Variants in CADM2 observed in about 807,000 individuals in gnomAD.
The protein encoded by CADM2 is immunoglobulin superfamily member 4D.
In CADM2, 12 loss-of-function variants were observed where a neutral mutation model predicts 49.8. The ratio of observed to expected loss-of-function variants is 0.24; its 90% CI spans 0.15 to 0.39. The LOEUF (loss-of-function observed/expected upper bound fraction) is 0.39, where lower values mean the gene tolerates loss of function less well. Among genes scored for constraint, CADM2 ranks in the 10% least tolerant of loss-of-function variants. The pLI is 1.00. For missense variants in CADM2, 378 were observed against 492.3 expected, an observed-to-expected ratio of 0.77 and a Z score of 2.20; for synonymous variants, 214 against 175.4, an observed-to-expected ratio of 1.22 and a Z score of -1.74.
At chr3:85,641,069 G>A (rs113482667) in intron 1 of CADM2, among the ~76,000 whole-genome samples, 2,807 of 152,176 alleles carry the variant, frequency 0.018, 87 homozygotes, top group African/African-American at 0.055. Context: ...GTAACATAGA[G>A]CATGTTAAAA....
intron 7 of CADM2, among the ~76,000 whole-genome samples, chr3:85,939,044 A>G (rs1483811699): frequency 6.6e-6 from 1 of 152,052 alleles, no homozygotes; most frequent in Non-Finnish European, 1.5e-5. Flanking sequence ...TGTGTAAATC[A>G]CAACATCATG....
chr3:85,135,061 T>C (rs2039373443), intron 1 of CADM2, among the ~76,000 whole-genome samples: 1 of 152,002 alleles, frequency 6.6e-6, no homozygotes. Context: ...TGATAAAAAT[T>C]ATTTTTATTC....
rs192105170 is a variant in CADM2 at position 85,792,886 on chromosome 3, C to G, written c.89-9161C>G. Among the ~76,000 whole-genome samples the G allele has an allele frequency of 3.9e-5, 6 of 152,228 alleles. No individual in the cohort carries two copies. In the East Asian group the frequency reaches 1.2e-3, roughly 29 times the overall value. ...TTATGCTCTAAGGTTACATCATAGC[C>G]TATCACAGAGGTAAGAGTGGCCATA... On this transcript the variant is annotated intron_variant, in intron 2 of 9. Coordinates refer to ENST00000383699, the MANE Select transcript of CADM2 (RefSeq NM_001167675.2).
intron 1 of CADM2, chr3:84,959,960 C>T: frequency 1.9e-6 from 1 of 527,692 alleles, no homozygotes; most frequent in Non-Finnish European, 3.4e-6. Flanking sequence ...GCATCCCCCT[C>T]CCACGCCTTT....
At chr3:85,343,455 T>G (rs985358067) in intron 1 of CADM2, among the ~76,000 whole-genome samples, 1 of 152,178 alleles carries the variant, frequency 6.6e-6, no homozygotes, top group African/African-American at 2.4e-5. Context: ...AGTTTATCAC[T>G]GAATACCATA....
intron 1 of CADM2, among the ~76,000 whole-genome samples, chr3:85,647,687 AT>A (rs1398129898): frequency 1.3e-5 from 2 of 151,846 alleles, no homozygotes; most frequent in Non-Finnish European, 3.0e-5. Context: ...AAGACAAAAA[AT>A]ATTTTAGATG....
At chr3:85,177,485 A>C (rs1286310092) in intron 1 of CADM2, among the ~76,000 whole-genome samples, 1 of 152,050 alleles carries the variant, frequency 6.6e-6, no homozygotes, top group Non-Finnish European at 1.5e-5. Context: ...ATGGAAATTA[A>C]AATGATCATA....
intron 1 of CADM2, among the ~76,000 whole-genome samples, chr3:85,650,872 A>G (rs2065023198): frequency 6.7e-6 from 1 of 149,406 alleles, no homozygotes; most frequent in South Asian, 2.2e-4. Context: ...AAATGGCCAC[A>G]TTATATACTT....
chr3:85,564,167 T>TTCTCTCTCTCTCTCTC (rs3086193), intron 1 of CADM2, among the ~76,000 whole-genome samples: 16 of 149,584 alleles, frequency 1.1e-4, no homozygotes, highest in African/African-American at 3.2e-4. Flanking sequence ...GAAAGCATGA[T>TTCTCTCTCTCTCTCTC]TCTCTCTCTC....
intron 1 of CADM2, among the ~76,000 whole-genome samples, chr3:85,310,046 T>G (rs2107041592): frequency 6.6e-6 from 1 of 152,326 alleles, no homozygotes; most frequent in South Asian, 2.1e-4. Flanking sequence ...GTATCTCTTC[T>G]TTTGTTTTAA....
At chr3:86,056,258 T>C (rs79216499) in intron 8 of CADM2, among the ~76,000 whole-genome samples, 5,763 of 152,258 alleles carry the variant, frequency 0.038, 345 homozygotes, top group African/African-American at 0.13. Flanking sequence ...TCTGGAGTTG[T>C]TCAGATTCTT....
intron 1 of CADM2, among the ~76,000 whole-genome samples, chr3:85,169,993 T>C (rs1026886391): frequency 1.3e-5 from 2 of 152,158 alleles, no homozygotes; most frequent in Non-Finnish European, 2.9e-5. Flanking sequence ...AATCAAAATA[T>C]GTGTTTCCCC....
intron 1 of CADM2, among the ~76,000 whole-genome samples, chr3:85,488,682 C>T (rs1387348313): frequency 2.0e-5 from 3 of 152,106 alleles, no homozygotes. Flanking sequence ...GAGGCACTCA[C>T]CACCACGCCC....
intron 1 of CADM2, among the ~76,000 whole-genome samples, chr3:85,211,345 G>T (rs1048205519): frequency 2.0e-5 from 3 of 151,916 alleles, no homozygotes; most frequent in Non-Finnish European, 2.9e-5. Context: ...TTGGGGTTTG[G>T]TTTGTTTTTG....
intron 1 of CADM2, among the ~76,000 whole-genome samples, chr3:85,416,023 C>G (rs1457426094): frequency 6.6e-6 from 1 of 152,032 alleles, no homozygotes; most frequent in African/African-American, 2.4e-5. Flanking sequence ...CCCCAGAGGA[C>G]AGATGATCAT....
intron 1 of CADM2, among the ~76,000 whole-genome samples, chr3:85,320,109 T>A (rs532461027): frequency 6.6e-6 from 1 of 152,178 alleles, no homozygotes; most frequent in Admixed American, 6.5e-5. Flanking sequence ...AGGGGAACAT[T>A]TGGCAATGTC....
chr3:85,962,521 G>A (rs532427127), intron 8 of CADM2, among the ~76,000 whole-genome samples: 1 of 151,766 alleles, frequency 6.6e-6, no homozygotes, highest in Non-Finnish European at 1.5e-5. Context: ...AATACCAGTC[G>A]CCATGAGTGA....
chr3:85,597,718 T>A (rs2107374606), intron 1 of CADM2, among the ~76,000 whole-genome samples: 1 of 152,180 alleles, frequency 6.6e-6, no homozygotes, highest in African/African-American at 2.4e-5. Flanking sequence ...AATCTGAAGC[T>A]ATTGGAAAGT....
At chr3:85,502,311 A>C (rs2040151864) in intron 1 of CADM2, among the ~76,000 whole-genome samples, 1 of 152,228 alleles carries the variant, frequency 6.6e-6, no homozygotes, top group African/African-American at 2.4e-5. Flanking sequence ...CTTGCAAAGG[A>C]AAACAAAATT....
Sources: gnomAD v4.1 joint callset for allele counts (sites outside exome capture counted in the v4.1 genomes callset) on GRCh38, gnomAD v4.1.1 for gene constraint, MANE v1.5 for transcripts, NCBI Gene and HGNC (gene_info 2026-07-23, HGNC 2026-07-21) for gene names.